CADPS: variants seen among roughly 807,000 people sequenced by gnomAD.
CADPS encodes the protein calcium dependent secretion activator.
A neutral mutation model predicts 167.3 loss-of-function variants in CADPS; 57 were observed. That is an observed-to-expected ratio of 0.34 (90% CI 0.28 to 0.42). The LOEUF (loss-of-function observed/expected upper bound fraction) is 0.42. CADPS is among the 20% of genes least tolerant of loss of function. The probability of loss-of-function intolerance (pLI) is 1.00; values close to 1 mark genes in which losing one functional copy is unlikely to be tolerated. For synonymous variants in CADPS, 676 were observed against 635.3 expected (o/e 1.06, Z -0.96); for missense variants, 1,414 against 1,738.1 (o/e 0.81, Z 3.32).
chr3:62,500,736 G>A (rs983167822), intron 17 of CADPS: 2 of 152,152 alleles, frequency 1.3e-5, no homozygotes, highest in Non-Finnish European at 2.9e-5. Context: ...TACTAAATAG[G>A]AAGGTTTCTG....
intron 6 of CADPS, among the ~76,000 whole-genome samples, chr3:62,643,760 T>C (rs749722211): frequency 5.3e-5 from 8 of 152,198 alleles, no homozygotes; most frequent in South Asian, 2.1e-4. Flanking sequence ...TAACGCCATA[T>C]TGGGCCCAGC....
intron 3 of CADPS, among the ~76,000 whole-genome samples, chr3:62,737,041 G>A (rs982545187): frequency 6.6e-6 from 1 of 152,056 alleles, no homozygotes; most frequent in African/African-American, 2.4e-5. Flanking sequence ...GGGAGGCTGA[G>A]GCAAAAGAAT....
At chr3:62,742,091 G>A (rs1253181867) in intron 3 of CADPS, among the ~76,000 whole-genome samples, 3 of 152,080 alleles carry the variant, frequency 2.0e-5, no homozygotes, top group Non-Finnish European at 4.4e-5. Flanking sequence ...TCTCTACAAG[G>A]AGAACCACAA....
At chr3:62,825,223 A>G (rs1169856102) in intron 1 of CADPS, among the ~76,000 whole-genome samples, 1 of 152,074 alleles carries the variant, frequency 6.6e-6, no homozygotes, top group African/African-American at 2.4e-5. Context: ...CCTTTTCCTT[A>G]TTAGCTTGGA....
intron 1 of CADPS, among the ~76,000 whole-genome samples, chr3:62,770,082 C>T (rs753168383): frequency 1.3e-5 from 2 of 152,192 alleles, no homozygotes; most frequent in African/African-American, 2.4e-5. Context: ...GTCTCCAGCA[C>T]ACTGGTGTCT....
chr3:62,763,169 C>A (rs144162113), intron 2 of CADPS, among the ~76,000 whole-genome samples: 517 of 152,268 alleles, frequency 3.4e-3, no homozygotes, highest in Non-Finnish European at 5.5e-3. Context: ...CAGTCTATTT[C>A]ACCCCCATCC....
chr3:62,415,864 G>A (rs180914431), intron 28 of CADPS, among the ~76,000 whole-genome samples: 1 of 152,262 alleles, frequency 6.6e-6, no homozygotes, highest in Non-Finnish European at 1.5e-5. Context: ...TGGGAGTGGG[G>A]ATGCTCTGCA....
At chr3:62,464,349 T>C (rs1354196724) in intron 26 of CADPS, among the ~76,000 whole-genome samples, 2 of 152,228 alleles carry the variant, frequency 1.3e-5, no homozygotes, top group Non-Finnish European at 2.9e-5. Context: ...TCAGTCACTA[T>C]CTGGGAGATT....
intron 1 of CADPS, among the ~76,000 whole-genome samples, chr3:62,832,918 C>A (rs1389601050): frequency 6.6e-6 from 1 of 152,176 alleles, no homozygotes; most frequent in Non-Finnish European, 1.5e-5. Context: ...ATGAAGAACC[C>A]CTCCACTCCT....
chr3:62,761,575 T>G (rs116736360), intron 2 of CADPS, among the ~76,000 whole-genome samples: 36 of 152,076 alleles, frequency 2.4e-4, no homozygotes, highest in African/African-American at 8.0e-4. Flanking sequence ...CAGGAAGAAT[T>G]TGAGTTTTGT....
intron 21 of CADPS, 149 bp from the exon 22 acceptor site, chr3:62,482,018 A>C (rs2062091210): frequency 2.6e-6 from 2 of 757,172 alleles, no homozygotes; most frequent in African/African-American, 3.5e-5. Context: ...AGCAGCTTAC[A>C]GATGGGAAGC....
At chr3:62,784,031 G>C (rs2092106904) in intron 1 of CADPS, among the ~76,000 whole-genome samples, 1 of 152,106 alleles carries the variant, frequency 6.6e-6, no homozygotes, top group Non-Finnish European at 1.5e-5. Context: ...GGGTTCCTTG[G>C]AGCAATGGCT....
chr3:62,603,299 T>G lies in CADPS; in HGVS notation c.1326-10551A>C, dbSNP rs574390369. 9.8e-5 allele frequency among the ~76,000 whole-genome samples: 15 copies of G among 152,326 alleles called. No individual in the cohort carries two copies. The South Asian group carries it at 3.1e-3, about 32-fold the overall frequency. On this transcript the variant is annotated intron_variant, in intron 6 of 29. Coordinates refer to ENST00000383710, the MANE Select transcript of CADPS (RefSeq NM_003716.4). ...AGTTGAAAATGAAATTTAACAATGC[T>G]TGATTATCCATGGACATTATTTGGT...
At chr3:62,475,606 A>C (rs1056187687) in intron 23 of CADPS, among the ~76,000 whole-genome samples, 68 of 150,046 alleles carry the variant, frequency 4.5e-4, no homozygotes, top group African/African-American at 1.5e-3. Context: ...AAAAAAAAAA[A>C]AAAAAACACC....
At chr3:62,709,698 C>T (rs565977497) in intron 3 of CADPS, among the ~76,000 whole-genome samples, 8 of 152,224 alleles carry the variant, frequency 5.3e-5, no homozygotes, top group South Asian at 2.1e-4. Context: ...AATTTCAACA[C>T]GCTCCCCAAG....
intron 6 of CADPS, among the ~76,000 whole-genome samples, chr3:62,639,722 G>A (rs1315157889): frequency 2.0e-5 from 3 of 152,128 alleles, no homozygotes; most frequent in Non-Finnish European, 2.9e-5. Context: ...CTTCTCCAGG[G>A]TCTTGGAATA....
At chr3:62,812,113 C>T (rs117234265) in intron 1 of CADPS, among the ~76,000 whole-genome samples, 3,463 of 152,054 alleles carry the variant, frequency 0.023, 62 homozygotes, top group South Asian at 0.061. Flanking sequence ...TAATTATATA[C>T]GGTATGGCTT....
chr3:62,615,913 G>T (rs144700901), intron 6 of CADPS, among the ~76,000 whole-genome samples: 1 of 152,276 alleles, frequency 6.6e-6, no homozygotes, highest in African/African-American at 2.4e-5. Flanking sequence ...CCTTCTGAGT[G>T]GTGTCATATA....
chr3:62,504,161 A>G (rs903421678), intron 17 of CADPS, among the ~76,000 whole-genome samples: 3 of 152,150 alleles, frequency 2.0e-5, no homozygotes, highest in Non-Finnish European at 4.4e-5. Context: ...ATACAGGACA[A>G]AAAAATTAAC....
Sources: allele counts gnomAD v4.1 joint callset (sites outside exome capture counted in the v4.1 genomes callset), GRCh38; gene constraint gnomAD v4.1.1; transcripts MANE v1.5; gene names NCBI Gene and HGNC (gene_info 2026-07-23, HGNC 2026-07-21).